The following CNTNAP2 variants were observed in gnomAD, a reference collection of about 807,000 sequenced individuals.
CNTNAP2 encodes the protein contactin associated protein 2.
In CNTNAP2, 98 loss-of-function variants were observed where a neutral mutation model predicts 155.2. The ratio of observed to expected loss-of-function variants is 0.63; its 90% CI spans 0.54 to 0.75. The LOEUF is 0.75. Among genes scored for constraint, CNTNAP2 ranks in the 30% least tolerant of loss-of-function variants. CNTNAP2 has a pLI of 0.00. For missense variants in CNTNAP2, 1,727 were observed against 1,688.1 expected, an observed-to-expected ratio of 1.02 and a Z score of -0.40; for synonymous variants, 651 against 631.2, an observed-to-expected ratio of 1.03 and a Z score of -0.47.
At chr7:148,089,569 C>T (rs1053988166) in intron 15 of CNTNAP2, among the ~76,000 whole-genome samples, 7 of 151,330 alleles carry the variant, frequency 4.6e-5, no homozygotes, top group Admixed American at 1.3e-4. Context: ...AAAAGAAATA[C>T]TTAAGAAAAA....
At chr7:146,874,081 G>A (rs1795370634) in intron 3 of CNTNAP2, among the ~76,000 whole-genome samples, 1 of 151,998 alleles carries the variant, frequency 6.6e-6, no homozygotes, top group Admixed American at 6.6e-5. Flanking sequence ...GCATCAAAAA[G>A]AGGGTTACTC....
chr7:146,721,803 A>T, intron 1 of CNTNAP2, among the ~76,000 whole-genome samples: 1 of 120,524 alleles, frequency 8.3e-6, no homozygotes, highest in Non-Finnish European at 1.6e-5. Context: ...TATATAGACT[A>T]TATATAGTCT....
intron 4 of CNTNAP2, among the ~76,000 whole-genome samples, chr7:147,087,274 A>G (rs1800298069): frequency 6.6e-6 from 1 of 152,136 alleles, no homozygotes; most frequent in Non-Finnish European, 1.5e-5. Flanking sequence ...ATTCTTTGCA[A>G]TGTGTCTCTT....
intron 10 of CNTNAP2, among the ~76,000 whole-genome samples, chr7:147,412,684 T>C (rs1246230996): frequency 6.6e-6 from 1 of 152,104 alleles, no homozygotes; most frequent in Non-Finnish European, 1.5e-5. Context: ...TATGAAATTA[T>C]AAAGAAGGAA....
At chr7:147,856,802 G>C (rs60288586) in intron 13 of CNTNAP2, among the ~76,000 whole-genome samples, 1,913 of 152,184 alleles carry the variant, frequency 0.013, 49 homozygotes, top group African/African-American at 0.044. Flanking sequence ...GGAAATTTTG[G>C]GGGGAGTGGG....
chr7:147,292,329 A>C (rs1805333004), intron 8 of CNTNAP2, among the ~76,000 whole-genome samples: 2 of 152,210 alleles, frequency 1.3e-5, no homozygotes, highest in African/African-American at 2.4e-5. Context: ...CCTTTGTTAA[A>C]AAACAATTGA....
chr7:146,176,633 T>G (rs1798474465), intron 1 of CNTNAP2, among the ~76,000 whole-genome samples: 1 of 152,172 alleles, frequency 6.6e-6, no homozygotes, highest in South Asian at 2.1e-4. Flanking sequence ...CATTCAAATA[T>G]GTGGGATACC....
At chr7:146,360,035 C>T (rs927926066) in intron 1 of CNTNAP2, among the ~76,000 whole-genome samples, 1 of 152,174 alleles carries the variant, frequency 6.6e-6, no homozygotes, top group Non-Finnish European at 1.5e-5. Flanking sequence ...AAATAAAGTA[C>T]ACCTCAGTAC....
chr7:146,553,315 A>G (rs1469282945), intron 1 of CNTNAP2, among the ~76,000 whole-genome samples: 1 of 152,054 alleles, frequency 6.6e-6, no homozygotes, highest in African/African-American at 2.4e-5. Context: ...TATTTCTTAT[A>G]TAATCTATAT....
chr7:147,492,163 T>C (rs1001784391), intron 11 of CNTNAP2, among the ~76,000 whole-genome samples: 7 of 152,192 alleles, frequency 4.6e-5, no homozygotes, highest in African/African-American at 1.4e-4. Context: ...CAGATGAAAC[T>C]GTTCCACCTC....
intron 14 of CNTNAP2, among the ~76,000 whole-genome samples, chr7:147,905,541 A>G (rs953592127): frequency 6.6e-6 from 1 of 152,254 alleles, no homozygotes; most frequent in African/African-American, 2.4e-5. Flanking sequence ...AATAGATAAC[A>G]TAATACAGTC....
chr7:148,210,126 G>A (rs1795518536), intron 18 of CNTNAP2, among the ~76,000 whole-genome samples: 1 of 151,070 alleles, frequency 6.6e-6, no homozygotes, highest in African/African-American at 2.5e-5. Flanking sequence ...GAGGTTCAGG[G>A]TAGGGGGGCC....
Position 146,564,918 on chromosome 7 carries a change from A to C in CNTNAP2, c.98-209353A>C, listed in dbSNP as rs146793397. 3.1e-3 allele frequency among the ~76,000 whole-genome samples: 478 copies of C among 152,236 alleles called. 2 individuals carry two copies. Among genetic ancestry groups the C allele is most frequent in the Non-Finnish European group, 5.3e-3 (363 of 67,986 alleles). Reference sequence around the variant, plus strand: ...TATTATACATATTCTATAGATAAGAAACTGAGCATCTAGAAGTTAAGTGAC... The same window carrying C: ...TATTATACATATTCTATAGATAAGACACTGAGCATCTAGAAGTTAAGTGAC... On this transcript the variant is annotated intron_variant, in intron 1 of 23. Coordinates refer to ENST00000361727, the MANE Select transcript of CNTNAP2 (RefSeq NM_014141.6).
intron 1 of CNTNAP2, among the ~76,000 whole-genome samples, chr7:146,371,534 AT>A (rs879627367): frequency 1.3e-5 from 2 of 151,602 alleles, no homozygotes; most frequent in African/African-American, 4.8e-5. Flanking sequence ...GCGCCAGCTA[AT>A]TTTTTTATTT....
At chr7:147,526,248 G>T (rs542520379) in intron 11 of CNTNAP2, among the ~76,000 whole-genome samples, 1 of 151,186 alleles carries the variant, frequency 6.6e-6, no homozygotes, top group African/African-American at 2.4e-5. Context: ...TTGCAGGAAT[G>T]CTTGAATCTT....
intron 12 of CNTNAP2, among the ~76,000 whole-genome samples, chr7:147,564,334 A>G (rs1800126159): frequency 6.6e-6 from 1 of 152,114 alleles, no homozygotes; most frequent in Admixed American, 6.5e-5. Flanking sequence ...CTTACCAGAG[A>G]GATTAATCTA....
At chr7:148,000,123 AGTT>A (rs1563162921) in intron 15 of CNTNAP2, among the ~76,000 whole-genome samples, 1 of 152,188 alleles carries the variant, frequency 6.6e-6, no homozygotes, top group Non-Finnish European at 1.5e-5. Context: ...GACCATTAGC[AGTT>A]GTTGAAAGGA....
intron 1 of CNTNAP2, among the ~76,000 whole-genome samples, chr7:146,118,579 C>G (rs1446112281): frequency 2.0e-5 from 3 of 152,048 alleles, no homozygotes; most frequent in Non-Finnish European, 4.4e-5. Flanking sequence ...GTCCTCATAT[C>G]CAGGGTTTTT....
chr7:148,283,848 CA>C (rs1330271161), intron 21 of CNTNAP2, among the ~76,000 whole-genome samples: 1 of 152,122 alleles, frequency 6.6e-6, no homozygotes, highest in African/African-American at 2.4e-5. Flanking sequence ...AATAAATCAA[CA>C]ACATTTATTT....
Sources: gnomAD v4.1 joint callset for allele counts (sites outside exome capture counted in the v4.1 genomes callset) on GRCh38, gnomAD v4.1.1 for gene constraint, MANE v1.5 for transcripts, NCBI Gene and HGNC (gene_info 2026-07-23, HGNC 2026-07-21) for gene names.